The following FRMD6 variants were observed in gnomAD, a reference collection of about 807,000 sequenced individuals.
The protein encoded by FRMD6 is FERM domain-containing protein 6.
In FRMD6, 37 loss-of-function variants were observed where a neutral mutation model predicts 73.2. The observed-to-expected ratio is 0.51, with a 90% CI of 0.39 to 0.66. The LOEUF (loss-of-function observed/expected upper bound fraction) is 0.66, where lower values mean the gene tolerates loss of function less well. Ranked by LOEUF, FRMD6 falls within the 30% of genes least tolerant of loss-of-function variation. The probability of loss-of-function intolerance (pLI) is 0.00; values close to 1 mark genes in which losing one functional copy is unlikely to be tolerated. For synonymous variants in FRMD6, 273 were observed against 282.2 expected (o/e 0.97, Z 0.33); for missense variants, 714 against 780.5 (o/e 0.91, Z 1.02).
chr14:51,443,207 A>T, the FRMD6 span, among the ~76,000 whole-genome samples: 1 of 152,234 alleles, frequency 6.6e-6, no homozygotes, highest in Non-Finnish European at 1.5e-5. Flanking sequence ...TGTATCAAAG[A>T]CATTCAAAAG....
rs369056528 is a variant in FRMD6, at chr14:51,721,942, G to A, written c.1361-7G>A. 125 of 1,613,768 alleles carry A rather than the reference G, an allele frequency of 7.7e-5. No individual in the cohort carries two copies. In the African/African-American group the frequency reaches 1.6e-3, roughly 21 times the overall value. On this transcript the variant is annotated splice_region_variant and splice_polypyrimidine_tract_variant and intron_variant, in intron 11 of 13. Coordinates refer to ENST00000344768, the MANE Select transcript of FRMD6 (RefSeq NM_001267046.2). ...TCATTAACTATCTTTTCCTTCTTCT[G>A]TGTCAGAAATAGAGATGTTGGTTGA...
At chr14:51,484,197 T>TG (rs1446297278), upstream of FRMD6, among the ~76,000 whole-genome samples, 1 of 152,204 alleles carries the variant, frequency 6.6e-6, no homozygotes, top group Non-Finnish European at 1.5e-5. Context: ...AGGCTTGGGT[T>TG]GGGGGATGTG....
chr14:51,660,218 A>T (rs1893120378), intron 1 of FRMD6, among the ~76,000 whole-genome samples: 1 of 152,228 alleles, frequency 6.6e-6, no homozygotes, highest in African/African-American at 2.4e-5. Context: ...TACTTTGTGC[A>T]ATTTCTGTCA....
At chr14:51,602,196 T>C (rs938816045) in intron 2 of FRMD6, among the ~76,000 whole-genome samples, 1 of 152,198 alleles carries the variant, frequency 6.6e-6, no homozygotes, top group Non-Finnish European at 1.5e-5. Flanking sequence ...AAGTAATTTT[T>C]GAACATATGG....
Position 51,707,975 on chromosome 14 carries a change from A to G in FRMD6, c.559-103A>G, listed in dbSNP as rs1252592793. 6 of 1,019,216 alleles carry G rather than the reference A, an allele frequency of 5.9e-6. No individual in the cohort carries two copies. The Admixed American group carries it at 1.0e-4, about 17-fold the overall frequency. 63.1% of individuals were successfully genotyped at this position (1,019,216 alleles called of 1,614,324 possible). A position where few individuals can be genotyped will look rare whatever the true frequency, so the allele number is the denominator to read the frequency against. ...TTTCAATGCAAACCAACCAGTTTACATGGCCTATTTTAGCTTCTCATTCTT... is the reference window on the plus strand; with the variant it reads ...TTTCAATGCAAACCAACCAGTTTACGTGGCCTATTTTAGCTTCTCATTCTT... On this transcript the variant is annotated intron_variant, in intron 6 of 13. Transcript: ENST00000344768.
At chr14:51,546,575 CT>C (rs1437083074) in intron 1 of FRMD6, 8 of 121,926 alleles carry the variant, frequency 6.6e-5, no homozygotes, top group Admixed American at 2.6e-4. Flanking sequence ...TTTGTTCCCC[CT>C]CCCCATCAAA....
chr14:51,494,426 G>A (rs1212055751), intron 1 of FRMD6, among the ~76,000 whole-genome samples: 3 of 152,228 alleles, frequency 2.0e-5, no homozygotes, highest in Non-Finnish European at 2.9e-5. Flanking sequence ...AGGAGTAACT[G>A]GTTCTGAGCA....
At chr14:51,434,625 T>A in the FRMD6 span, among the ~76,000 whole-genome samples, 1 of 152,166 alleles carries the variant, frequency 6.6e-6, no homozygotes, top group Non-Finnish European at 1.5e-5. Context: ...GAGGAAATTA[T>A]TTAAATAAAA....
chr14:51,678,670 G>C (rs1894566340), intron 1 of FRMD6, among the ~76,000 whole-genome samples: 1 of 152,114 alleles, frequency 6.6e-6, no homozygotes, highest in Non-Finnish European at 1.5e-5. Context: ...GGGCATTAGT[G>C]ACATAAGGAT....
At chr14:51,430,458 C>A in the FRMD6 span, among the ~76,000 whole-genome samples, 1 of 152,086 alleles carries the variant, frequency 6.6e-6, no homozygotes, top group South Asian at 2.1e-4. Flanking sequence ...ATTTTGAAAG[C>A]TGAAAGTAGT....
chr14:51,599,682 A>C (rs954895180), intron 2 of FRMD6: 2 of 152,106 alleles, frequency 1.3e-5, no homozygotes, highest in African/African-American at 4.8e-5. Context: ...AGTGGGCAAA[A>C]GACACAAACA....
At chr14:51,506,467 C>A (rs748876658) in intron 1 of FRMD6, among the ~76,000 whole-genome samples, 5 of 152,176 alleles carry the variant, frequency 3.3e-5, no homozygotes, top group Admixed American at 1.3e-4. Context: ...AAACAGTGAA[C>A]AAGTTAAAAC....
At chr14:51,542,186 T>C (rs1277824398) in intron 1 of FRMD6, among the ~76,000 whole-genome samples, 1 of 152,048 alleles carries the variant, frequency 6.6e-6, no homozygotes, top group African/African-American at 2.4e-5. Context: ...AATTCAACAA[T>C]AGTATATTCA....
chr14:51,538,979 C>T (rs1208245535), intron 1 of FRMD6, among the ~76,000 whole-genome samples: 1 of 151,918 alleles, frequency 6.6e-6, no homozygotes, highest in Non-Finnish European at 1.5e-5. Context: ...TGGTTCATTG[C>T]TAGCATCTAG....
At chr14:51,558,656 ATAATT>A (rs778932872) in intron 1 of FRMD6, among the ~76,000 whole-genome samples, 45 of 152,292 alleles carry the variant, frequency 3.0e-4, no homozygotes, top group Non-Finnish European at 4.6e-4. Context: ...TCTACTAAAT[ATAATT>A]TAATCTTTTT....
At chr14:51,685,378 C>G (rs1895081548) in intron 1 of FRMD6, among the ~76,000 whole-genome samples, 1 of 152,128 alleles carries the variant, frequency 6.6e-6, no homozygotes, top group Non-Finnish European at 1.5e-5. Flanking sequence ...GTACTCTGGG[C>G]CTATTTTTCT....
chr14:51,441,684 C>A, the FRMD6 span, among the ~76,000 whole-genome samples: 1 of 152,066 alleles, frequency 6.6e-6, no homozygotes, highest in Non-Finnish European at 1.5e-5. Flanking sequence ...TAAACCCATG[C>A]GTGTAGAGTT....
intron 10 of FRMD6, among the ~76,000 whole-genome samples, chr14:51,717,025 C>A (rs552866207): frequency 6.6e-6 from 1 of 152,168 alleles, no homozygotes; most frequent in Non-Finnish European, 1.5e-5. Context: ...CTTAAGAGAT[C>A]CCTTCAGAGC....
At chr14:51,436,016 G>A in the FRMD6 span, 1 of 164,044 alleles carries the variant, frequency 6.1e-6, no homozygotes, top group African/African-American at 2.4e-5. Flanking sequence ...CTGTGGTCTG[G>A]TTCTTGGACT....
Sources: gnomAD v4.1 joint callset for allele counts (sites outside exome capture counted in the v4.1 genomes callset) on GRCh38, gnomAD v4.1.1 for gene constraint, MANE v1.5 for transcripts, NCBI Gene and HGNC (gene_info 2026-07-23, HGNC 2026-07-21) for gene names.